The following CHRNB3 variants were observed in gnomAD, a reference collection of about 807,000 sequenced individuals.
The protein encoded by CHRNB3 is cholinergic receptor nicotinic beta 3 subunit.
Under a neutral mutation model 40.6 loss-of-function variants are expected in CHRNB3, and 37 were observed. That is an observed-to-expected ratio of 0.91 (90% confidence interval 0.70 to 1.20). CHRNB3 has a LOEUF of 1.20. CHRNB3 is among the 50% of genes most tolerant of loss of function. The pLI is 0.00. For synonymous variants in CHRNB3, 207 were observed against 207.1 expected, an observed-to-expected ratio of 1.00 and a Z score of 0.00; for missense variants, 505 against 551.2, an observed-to-expected ratio of 0.92 and a Z score of 0.84.
intron 3 of CHRNB3, chr8:42,726,233 C>A: frequency 1.3e-6 from 1 of 775,124 alleles, no homozygotes; most frequent in South Asian, 1.5e-5. Flanking sequence ...TGCCATCTTT[C>A]TAGTGTTGCA....
chr8:42,721,023 A>T (rs1055777742), intron 3 of CHRNB3, among the ~76,000 whole-genome samples: 7 of 152,212 alleles, frequency 4.6e-5, no homozygotes, highest in Admixed American at 4.6e-4. Context: ...ATTTGGGCTC[A>T]TTAGCTGTGC....
chr8:42,718,581 G>A (rs571957629), intron 3 of CHRNB3, among the ~76,000 whole-genome samples: 1 of 150,736 alleles, frequency 6.6e-6, no homozygotes, highest in South Asian at 2.1e-4. Context: ...GCTGAGGCAG[G>A]AGAATGGCGT....
intron 3 of CHRNB3, among the ~76,000 whole-genome samples, chr8:42,719,255 C>G (rs1241107254): frequency 6.6e-6 from 1 of 152,174 alleles, no homozygotes; most frequent in Non-Finnish European, 1.5e-5. Flanking sequence ...GCTGACTCTG[C>G]CACTTGCAAA....
At chr8:42,734,260 A>C (rs1324489585) in intron 5 of CHRNB3, among the ~76,000 whole-genome samples, 2 of 78,742 alleles carry the variant, frequency 2.5e-5, no homozygotes, top group East Asian at 6.2e-4. Flanking sequence ...ACTCCATCTC[A>C]AAAAAAAAAA....
intron 3 of CHRNB3, among the ~76,000 whole-genome samples, chr8:42,730,271 G>C (rs1262326592): frequency 1.3e-5 from 2 of 152,078 alleles, no homozygotes; most frequent in Admixed American, 6.6e-5. Flanking sequence ...CTTTTCTTTT[G>C]TTTGTTTGTT....
rs940605585 is a variant in CHRNB3 at position 42,730,499 on chromosome 8, A to G, written c.250-95A>G. The G allele has an allele frequency of 2.0e-5, 15 of 746,998 alleles. No individual in the cohort carries two copies. The African/African-American group carries it at 2.4e-4, about 12-fold the overall frequency. 46.3% of individuals were successfully genotyped at this position (746,998 alleles called of 1,614,324 possible). On this transcript the variant is annotated intron_variant, in intron 3 of 5. Transcript: ENST00000289957. Reference sequence around the variant, plus strand: ...GGGACAATTTCCTTTTCTTAATAAAACAGTGGCTTGGTAAAGCTAACAGAA... The same window carrying G: ...GGGACAATTTCCTTTTCTTAATAAAGCAGTGGCTTGGTAAAGCTAACAGAA...
At chr8:42,729,253 A>G (rs1816361640) in intron 3 of CHRNB3, among the ~76,000 whole-genome samples, 1 of 151,638 alleles carries the variant, frequency 6.6e-6, no homozygotes, top group African/African-American at 2.4e-5. Context: ...TAAAAAATAC[A>G]AAAAAAATTA....
At chr8:42,726,539 A>T (rs1013553986) in intron 3 of CHRNB3, among the ~76,000 whole-genome samples, 8 of 148,464 alleles carry the variant, frequency 5.4e-5, no homozygotes, top group African/African-American at 2.0e-4. Flanking sequence ...AAGCTCTGTC[A>T]TCCAGGCTGG....
At chr8:42,736,433 A>G (rs1362344495) in intron 5 of CHRNB3, 51 bp from the exon 6 acceptor site, 1 of 1,604,086 alleles carries the variant, frequency 6.2e-7, no homozygotes, top group Admixed American at 1.7e-5. Flanking sequence ...AGATGAATAC[A>G]GAACAGTTGC....
intron 3 of CHRNB3, among the ~76,000 whole-genome samples, chr8:42,716,032 G>A (rs77312911): frequency 0.055 from 8,046 of 145,496 alleles, 294 homozygotes; most frequent in Middle Eastern, 0.11. Context: ...AGGCTGGAGC[G>A]CAGTGGCATG....
chr8:42,732,424 C>T lies in CHRNB3; in HGVS notation c.1117C>T (p.Leu373Phe), dbSNP rs1405037585. ...TCAACCAGTAGTGAAAGGCAAAGTC[C>T]TCGAAAAAAAGAAACAGAAACAGCT... ...ESQPVVKGKV[L>F]EKKKQKQLSD... Residue 373 changes from leucine to phenylalanine, a missense_variant, in exon 5 of 6, where the codon CTC (leucine) becomes TTC (phenylalanine). Transcript: ENST00000289957. The T allele has an allele frequency of 6.2e-7, 1 of 1,613,536 alleles. No homozygotes were observed. The highest frequency in any genetic ancestry group is 8.5e-7 in the Non-Finnish European group (1 of 1,179,862).
At chr8:42,705,905 C>T (rs1355612720) in intron 1 of CHRNB3, 1 of 152,210 alleles carries the variant, frequency 6.6e-6, no homozygotes, top group Non-Finnish European at 1.5e-5. Context: ...GCCATTAGCT[C>T]AACAGCTGCT....
chr8:42,735,587 T>A (rs1489109523), intron 5 of CHRNB3, among the ~76,000 whole-genome samples: 2 of 152,080 alleles, frequency 1.3e-5, no homozygotes, highest in Non-Finnish European at 2.9e-5. Context: ...GATTTCTTTT[T>A]TTTCCCCAAG....
chr8:42,701,044 A>G (rs964943044), intron 1 of CHRNB3, among the ~76,000 whole-genome samples: 1 of 151,954 alleles, frequency 6.6e-6, no homozygotes, highest in East Asian at 1.9e-4. Context: ...CCTGGCCAAC[A>G]TGGTGAAACC....
rs556922524 is a variant in CHRNB3 at position 42,705,755 on chromosome 8, G to A, written c.53-2962G>A. The A allele has an allele frequency of 2.6e-3, 397 of 152,460 alleles. 4 individuals are homozygous for A. The highest frequency in any genetic ancestry group is 0.024 in the Middle Eastern group (7 of 294). 9.4% of individuals were successfully genotyped at this position (152,460 alleles called of 1,614,324 possible). A position where few individuals can be genotyped will look rare whatever the true frequency, so the allele number is the denominator to read the frequency against. On this transcript the variant is annotated intron_variant, in intron 1 of 5. Coordinates refer to ENST00000289957, the MANE Select transcript of CHRNB3 (RefSeq NM_000749.5). ...GGGGCTGCCTGACCTGGGGATAGATGGAGGAGGACAGCTGTGTCCTCACTG... is the reference window on the plus strand; with the variant it reads ...GGGGCTGCCTGACCTGGGGATAGATAGAGGAGGACAGCTGTGTCCTCACTG...
chr8:42,705,110 A>T (rs1815899228), intron 1 of CHRNB3, among the ~76,000 whole-genome samples: 4 of 152,214 alleles, frequency 2.6e-5, no homozygotes, highest in African/African-American at 9.6e-5. Flanking sequence ...TGTCAGATCA[A>T]GTCCATCCTT....
chr8:42,698,100 A>G (rs1273402142), intron 1 of CHRNB3, among the ~76,000 whole-genome samples: 1 of 152,228 alleles, frequency 6.6e-6, no homozygotes, highest in Non-Finnish European at 1.5e-5. Flanking sequence ...TTAAACACCA[A>G]TGTATCAAAA....
intron 3 of CHRNB3, chr8:42,725,995 A>C (rs185197803): frequency 8.7e-7 from 1 of 1,148,242 alleles, no homozygotes; most frequent in African/African-American, 1.5e-5. Flanking sequence ...TGGCAATTCC[A>C]AGGTGTGGTT....
At position 42,731,902 on chromosome 8, in the gene CHRNB3, G is replaced by A. The variant is rs1374938821; in HGVS notation, c.595G>A (p.Gly199Arg). The A allele has an allele frequency of 8.1e-6, 13 of 1,613,974 alleles. No individual in the cohort carries two copies. The highest frequency in any genetic ancestry group is 1.3e-5 in the African/African-American group (1 of 74,878). Residue 199 changes from glycine (G) to arginine (R), a missense_variant, in exon 5 of 6, where the codon GGA becomes AGA. Coordinates refer to ENST00000289957, the MANE Select transcript of CHRNB3 (RefSeq NM_000749.5). The part of the protein sequence containing the change: ...NVDRKDFFDN[G>R]EWEILNAKGM... ...CGACAGAAAAGACTTCTTCGATAAC[G>A]GAGAATGGGAAATACTGAACGCAAA...
Sources: allele counts gnomAD v4.1 joint callset (sites outside exome capture counted in the v4.1 genomes callset), GRCh38; gene constraint gnomAD v4.1.1; transcripts MANE v1.5; gene names NCBI Gene and HGNC (gene_info 2026-07-23, HGNC 2026-07-21).